The following SNX8 variants were observed in gnomAD, a reference collection of about 807,000 sequenced individuals.
The protein encoded by SNX8 is sorting nexin-8.
In SNX8, 25 loss-of-function variants were observed where a neutral mutation model predicts 51.6. The observed-to-expected ratio is 0.48, with a 90% CI of 0.35 to 0.68. SNX8 has a LOEUF of 0.68. SNX8 is among the 30% of genes least tolerant of loss of function. SNX8 has a pLI of 0.00. For missense variants in SNX8, 695 were observed against 624.0 expected, an observed-to-expected ratio of 1.11 and a Z score of -1.21; for synonymous variants, 324 against 277.0, an observed-to-expected ratio of 1.17 and a Z score of -1.68.
Position 2,297,231 on chromosome 7 carries a change from A to G in SNX8, c.94+17097T>C, listed in dbSNP as rs575087155. Reference sequence around the variant, plus strand: ...CAATCCAGTAGTCCCACTACTGGGTAATCACCCAAAAGAAAAGAAATAATT... The same window carrying G: ...CAATCCAGTAGTCCCACTACTGGGTGATCACCCAAAAGAAAAGAAATAATT... On this transcript the variant is annotated intron_variant, in intron 1 of 10. Coordinates refer to ENST00000222990, the MANE Select transcript of SNX8 (RefSeq NM_013321.4). Among the ~76,000 whole-genome samples the G allele has an allele frequency of 7.2e-5, 11 of 151,948 alleles. No individual in the cohort carries two copies. The East Asian group carries it at 2.1e-3, about 29-fold the overall frequency.
At chr7:2,304,040 G>A (rs761871482) in intron 1 of SNX8, among the ~76,000 whole-genome samples, 31 of 150,846 alleles carry the variant, frequency 2.1e-4, no homozygotes, top group Admixed American at 3.3e-4. Context: ...GGTGGCGGGC[G>A]CCTGTAGTCC....
In SNX8 at chr7:2,348,622, T is replaced by C. The variant is rs1307198698; in HGVS notation, c.-66+5600A>G. 3.3e-5 allele frequency among the ~76,000 whole-genome samples: 5 copies of C among 151,658 alleles called. No individual in the cohort carries two copies. The East Asian group carries it at 1.0e-3, about 30-fold the overall frequency. ...TCCCAAAGTGCTGGGATTACAGGCG[T>C]GAGCCACCGTGCCCGGCCCAGTATC... is the stretch of plus-strand genomic sequence containing the variant. On this transcript the variant is annotated intron_variant, in intron 1 of 5. Transcript: ENST00000435336.
chr7:2,257,361 C>T lies in SNX8; in HGVS notation c.1134+4G>A. 2 of 1,604,228 alleles carry T rather than the reference C, an allele frequency of 1.2e-6. No individual in the cohort carries two copies. Among genetic ancestry groups the T allele is most frequent in the Non-Finnish European group, 8.5e-7 (1 of 1,178,790 alleles). ...CGGGCCTGCTCGGCCGCCCCGCCAC[C>T]CACCTCCACAATGCGGGACTCCAGC... is the stretch of plus-strand genomic sequence containing the variant. On this transcript the variant is annotated splice_donor_region_variant and intron_variant, in intron 9 of 10. Coordinates refer to ENST00000222990, the MANE Select transcript of SNX8 (RefSeq NM_013321.4).
chr7:2,346,759 A>AT, intron 1 of SNX8, among the ~76,000 whole-genome samples: 1 of 149,374 alleles, frequency 6.7e-6, no homozygotes, highest in East Asian at 2.0e-4. Flanking sequence ...AAAAAAAAAA[A>AT]ACAGAAAAAA....
intron 1 of SNX8, among the ~76,000 whole-genome samples, chr7:2,285,436 A>G (rs1796006246): frequency 6.6e-6 from 1 of 152,190 alleles, no homozygotes; most frequent in South Asian, 2.1e-4. Flanking sequence ...TGAAATTAAC[A>G]AACTGTTCTC....
intron 1 of SNX8, among the ~76,000 whole-genome samples, chr7:2,348,772 C>T (rs1040445791): frequency 1.3e-5 from 2 of 151,322 alleles, no homozygotes; most frequent in Non-Finnish European, 2.9e-5. Context: ...ATGGTAAAAC[C>T]CCATCTCCAC....
At chr7:2,269,403 GA>G (rs1274121519) in intron 5 of SNX8, among the ~76,000 whole-genome samples, 155 bp downstream of exon 5, 15 of 150,126 alleles carry the variant, frequency 1.0e-4, no homozygotes, top group Middle Eastern at 3.4e-3. Flanking sequence ...CTCTGCCTAG[GA>G]AAACCAGAGA....
chr7:2,269,439 G>A, intron 5 of SNX8, 120 bp downstream of exon 5: 1 of 479,750 alleles, frequency 2.1e-6, no homozygotes, highest in Non-Finnish European at 3.6e-6. Context: ...TTTATCTGCT[G>A]ACCTTCCCTC....
At chr7:2,283,226 G>C (rs1300802095) in intron 1 of SNX8, among the ~76,000 whole-genome samples, 1 of 152,226 alleles carries the variant, frequency 6.6e-6, no homozygotes, top group Non-Finnish European at 1.5e-5. Flanking sequence ...CTCAGCAGAA[G>C]TCACAGGCCC....
chr7:2,272,029 C>T, intron 3 of SNX8, 58 bp from the exon 4 acceptor site: 1 of 1,603,652 alleles, frequency 6.2e-7, no homozygotes, highest in South Asian at 1.1e-5. Flanking sequence ...CCATCTTCTG[C>T]TCTGGGCGAG....
chr7:2,272,019 C>G (rs766555842), intron 3 of SNX8, 48 bp from the exon 4 acceptor site: 3 of 1,607,910 alleles, frequency 1.9e-6, no homozygotes, highest in East Asian at 2.2e-5. Flanking sequence ...GCGCCGGCCC[C>G]CATCTTCTGC....
At chr7:2,281,105 T>C (rs1256800818) in intron 1 of SNX8, among the ~76,000 whole-genome samples, 2 of 152,060 alleles carry the variant, frequency 1.3e-5, no homozygotes, top group African/African-American at 2.4e-5. Context: ...ATGCCCATAT[T>C]TGCAAAATAA....
intron 1 of SNX8, among the ~76,000 whole-genome samples, chr7:2,305,738 G>C (rs764898910): frequency 1.4e-4 from 21 of 151,806 alleles, no homozygotes; most frequent in Non-Finnish European, 2.8e-4. Flanking sequence ...ATGAACACTC[G>C]AACAAAATTA....
intron 1 of SNX8, among the ~76,000 whole-genome samples, chr7:2,283,053 G>A (rs1439512629): frequency 4.6e-5 from 7 of 151,876 alleles, no homozygotes; most frequent in Non-Finnish European, 1.0e-4. Context: ...CCCGGGAGGC[G>A]GAGCTTGCAG....
At chr7:2,321,573 C>A (rs375738156) in intron 1 of SNX8, among the ~76,000 whole-genome samples, 1 of 151,516 alleles carries the variant, frequency 6.6e-6, no homozygotes, top group African/African-American at 2.4e-5. Context: ...ATAACAGGCG[C>A]CCGCCACTAC....
intron 1 of SNX8, among the ~76,000 whole-genome samples, chr7:2,280,111 T>A (rs982101285): frequency 1.3e-5 from 2 of 152,054 alleles, no homozygotes; most frequent in African/African-American, 4.8e-5. Flanking sequence ...TAGCTAGGAC[T>A]CCCAACCACA....
intron 1 of SNX8, among the ~76,000 whole-genome samples, chr7:2,353,329 G>A (rs751001165): frequency 2.0e-4 from 31 of 152,158 alleles, no homozygotes; most frequent in Admixed American, 1.3e-3. Flanking sequence ...CGATTGCAGC[G>A]GCGCTGTGAT....
At chr7:2,350,703 G>A (rs975259854) in intron 1 of SNX8, among the ~76,000 whole-genome samples, 1 of 152,068 alleles carries the variant, frequency 6.6e-6, no homozygotes, top group Non-Finnish European at 1.5e-5. Context: ...TTGGAGTGCA[G>A]TGGCACAACC....
At chr7:2,271,452 G>C (rs1795642777) in intron 4 of SNX8, among the ~76,000 whole-genome samples, 1 of 152,232 alleles carries the variant, frequency 6.6e-6, no homozygotes, top group Non-Finnish European at 1.5e-5. Context: ...CCCGGATGCA[G>C]GTGTGGGCTG....
Sources: allele counts gnomAD v4.1 joint callset (sites outside exome capture counted in the v4.1 genomes callset), GRCh38; gene constraint gnomAD v4.1.1; transcripts MANE v1.5; gene names NCBI Gene and HGNC (gene_info 2026-07-23, HGNC 2026-07-21).